The following TENM4 variants were observed in gnomAD, a reference collection of about 807,000 sequenced individuals.
TENM4 encodes teneurin transmembrane protein 4.
A neutral mutation model predicts 243.3 loss-of-function variants in TENM4; 82 were observed. The ratio of observed to expected loss-of-function variants is 0.34; its 90% CI spans 0.28 to 0.40. The LOEUF is 0.40. Among genes scored for constraint, TENM4 ranks in the 10% least tolerant of loss-of-function variants. The probability of loss-of-function intolerance (pLI) is 1.00; values close to 1 mark genes in which losing one functional copy is unlikely to be tolerated. For synonymous variants in TENM4, 1,412 were observed against 1,456.3 expected (o/e 0.97, Z 0.69); for missense variants, 3,138 against 3,673.3 (o/e 0.85, Z 3.77).
In TENM4 at chr11:78,732,593, A is replaced by G. The variant is rs774534336; in HGVS notation, c.2877-16T>C. ...CAAGTCAAAGCTGTTTGGGAGGGGA[A>G]GGTTGAGAAGGGGCGGGGAGCAGGA... On this transcript the variant is annotated splice_polypyrimidine_tract_variant and intron_variant, in intron 20 of 33. Coordinates refer to ENST00000278550, the MANE Select transcript of TENM4 (RefSeq NM_001098816.3). The G allele has an allele frequency of 6.3e-7, 1 of 1,582,906 alleles. No homozygotes were observed. The highest frequency in any genetic ancestry group is 1.1e-5 in the South Asian group (1 of 87,382).
intron 6 of TENM4, among the ~76,000 whole-genome samples, chr11:78,993,437 C>T (rs12282427): frequency 0.053 from 8,059 of 152,108 alleles, 671 homozygotes; most frequent in African/African-American, 0.17. Context: ...TTGAAAAAAT[C>T]TCAGCTATTA....
chr11:78,746,732 CGTT>C (rs1565361292), intron 19 of TENM4, among the ~76,000 whole-genome samples: 2 of 152,174 alleles, frequency 1.3e-5, no homozygotes, highest in Non-Finnish European at 2.9e-5. Flanking sequence ...GAAATACCGT[CGTT>C]GTGCCTGGGG....
At chr11:78,918,104 C>T (rs1291541369) in intron 6 of TENM4, among the ~76,000 whole-genome samples, 1 of 152,188 alleles carries the variant, frequency 6.6e-6, no homozygotes, top group Admixed American at 6.5e-5. Context: ...GACTCCCGTG[C>T]TCTTAACGGC....
intron 1 of TENM4, among the ~76,000 whole-genome samples, chr11:79,425,591 TA>T (rs1165365823): frequency 6.6e-6 from 1 of 152,202 alleles, no homozygotes; most frequent in African/African-American, 2.4e-5. Flanking sequence ...ACTACTCATA[TA>T]GTCAGTGATG....
At chr11:79,088,809 A>G (rs1192780720) in intron 4 of TENM4, among the ~76,000 whole-genome samples, 3 of 152,196 alleles carry the variant, frequency 2.0e-5, no homozygotes, top group African/African-American at 7.2e-5. Flanking sequence ...AACCTACTAT[A>G]GGCCCCATCT....
intron 6 of TENM4, among the ~76,000 whole-genome samples, chr11:79,009,445 G>A (rs1175175240): frequency 6.6e-6 from 1 of 152,140 alleles, no homozygotes; most frequent in Non-Finnish European, 1.5e-5. Flanking sequence ...CCCTTTATGA[G>A]CTTGCAGCCT....
chr11:79,237,146 C>T lies in TENM4; in HGVS notation c.-264-21237G>A, dbSNP rs749574717. On this transcript the variant is annotated intron_variant, in intron 2 of 33. Coordinates refer to ENST00000278550, the MANE Select transcript of TENM4 (RefSeq NM_001098816.3). ...TAAGAACATTGACTGAGCCAACACC[C>T]GTCTGTCCCAAAACTGTAAGCTCCT... Among the ~76,000 whole-genome samples the T allele has an allele frequency of 9.2e-5, 14 of 152,248 alleles. No homozygotes were observed. The South Asian group carries it at 1.5e-3, about 16-fold the overall frequency.
At chr11:78,980,361 C>T (rs1857763545) in intron 6 of TENM4, among the ~76,000 whole-genome samples, 1 of 152,172 alleles carries the variant, frequency 6.6e-6, no homozygotes, top group Admixed American at 6.5e-5. Flanking sequence ...ATCAACATGG[C>T]CAATGTCACA....
At chr11:78,722,992 A>T in intron 23 of TENM4, 75 bp from the exon 24 acceptor site, 1 of 1,573,500 alleles carries the variant, frequency 6.4e-7, no homozygotes, top group Non-Finnish European at 8.7e-7. Flanking sequence ...CCACAGAGTC[A>T]CCTGATTTTG....
Position 78,712,820 on chromosome 11 carries a change from C to T in TENM4, c.3822-106G>A, listed in dbSNP as rs1859431933. The T allele has an allele frequency of 1.3e-5, 14 of 1,068,578 alleles. No homozygotes were observed. In the Admixed American group the frequency reaches 3.1e-4, roughly 24 times the overall value. 66.2% of individuals were successfully genotyped at this position (1,068,578 alleles called of 1,614,324 possible). On this transcript the variant is annotated intron_variant, in intron 25 of 33. Transcript: ENST00000278550. ...CCCTTTAGAATCCAAGCAAAAATAT[C>T]TTATGGGGATGATGCCCCTATTTTG...
intron 28 of TENM4, 30 bp from the exon 29 acceptor site, chr11:78,688,256 A>G: frequency 6.2e-7 from 1 of 1,601,146 alleles, no homozygotes; most frequent in Non-Finnish European, 8.5e-7. Flanking sequence ...ACTGAGTAGT[A>G]GAAATATAAT....
intron 6 of TENM4, among the ~76,000 whole-genome samples, chr11:78,934,300 G>C (rs775203341): frequency 4.6e-5 from 7 of 152,172 alleles, no homozygotes; most frequent in Admixed American, 3.3e-4. Flanking sequence ...TTAAAAGGAA[G>C]AAAAGGAACC....
intron 4 of TENM4, among the ~76,000 whole-genome samples, chr11:79,138,432 AAT>A (rs1446852340): frequency 1.1e-4 from 12 of 113,844 alleles, no homozygotes; most frequent in African/African-American, 3.6e-4. Flanking sequence ...ATTATATATA[AAT>A]ATATATTATA....
intron 28 of TENM4, among the ~76,000 whole-genome samples, chr11:78,696,971 T>G (rs1858983342): frequency 6.6e-6 from 1 of 152,164 alleles, no homozygotes; most frequent in African/African-American, 2.4e-5. Context: ...AGGGTGTTGT[T>G]CCTGATGGAA....
intron 12 of TENM4, among the ~76,000 whole-genome samples, chr11:78,845,079 G>A (rs1858358964): frequency 6.6e-6 from 1 of 152,154 alleles, no homozygotes; most frequent in Non-Finnish European, 1.5e-5. Flanking sequence ...AGAGGTAGCA[G>A]CCCTCCTCTC....
chr11:79,349,649 C>A (rs1227647833), intron 1 of TENM4, among the ~76,000 whole-genome samples: 1 of 152,114 alleles, frequency 6.6e-6, no homozygotes, highest in Admixed American at 6.5e-5. Context: ...CACATGTACA[C>A]CTACAGACAA....
At chr11:79,062,472 G>A (rs1333235728) in intron 6 of TENM4, among the ~76,000 whole-genome samples, 2 of 152,098 alleles carry the variant, frequency 1.3e-5, no homozygotes, top group Admixed American at 6.5e-5. Flanking sequence ...AATTGATTTG[G>A]GGAATGCTGC....
At chr11:78,859,182 A>G (rs1858754208) in intron 10 of TENM4, among the ~76,000 whole-genome samples, 1 of 152,188 alleles carries the variant, frequency 6.6e-6, no homozygotes, top group South Asian at 2.1e-4. Context: ...CCCATTAAAA[A>G]ACTTCCTGGC....
At chr11:79,394,554 T>G (rs1228874910) in intron 1 of TENM4, among the ~76,000 whole-genome samples, 1 of 152,208 alleles carries the variant, frequency 6.6e-6, no homozygotes, top group Non-Finnish European at 1.5e-5. Context: ...AAACACCATA[T>G]AGAGGTATTA....
Sources: gnomAD v4.1 joint callset for allele counts (sites outside exome capture counted in the v4.1 genomes callset) on GRCh38, gnomAD v4.1.1 for gene constraint, MANE v1.5 for transcripts, NCBI Gene and HGNC (gene_info 2026-07-23, HGNC 2026-07-21) for gene names.